The following SPDL1 variants were observed in gnomAD, a reference collection of about 807,000 sequenced individuals.
The protein encoded by SPDL1 is spindle apparatus coiled-coil protein 1.
Under a neutral mutation model 79.5 loss-of-function variants are expected in SPDL1, and 85 were observed. That is an observed-to-expected ratio of 1.07 (90% CI 0.90 to 1.28). The LOEUF (loss-of-function observed/expected upper bound fraction) is 1.28, where lower values mean the gene tolerates loss of function less well. SPDL1 is among the 50% of genes most tolerant of loss of function. SPDL1 has a pLI of 0.00. For missense variants in SPDL1, 703 were observed against 697.8 expected (o/e 1.01, Z -0.08); for synonymous variants, 269 against 240.3 (o/e 1.12, Z -1.10).
At position 169,588,301 on chromosome 5, in the gene SPDL1, G is replaced by T. The variant is rs1230407233; in HGVS notation, c.-23-93G>T. 16 of 819,456 alleles carry T rather than the reference G, an allele frequency of 2.0e-5. No homozygotes were observed. In the South Asian group the frequency reaches 2.0e-4, roughly 10 times the overall value. The allele number at this position is 819,456 out of a possible 1,614,324, so 50.8% of individuals were successfully genotyped here. ...AAAATTTTAATGTTTTTATACGACA[G>T]TAGTATTGAGTAGATATGTTTCTTC... On this transcript the variant is annotated intron_variant, in intron 1 of 11. Transcript: ENST00000265295.
In SPDL1 at chr5:169,591,112, G is replaced by A; in HGVS notation, c.224G>A (p.Ser75Asn). ...GAACTCAAGAGTCGAATGTTAGAAA[G>A]TTTGAGCTGCGAATGTGAAGCTATT... ...EVELKSRMLE[S>N]LSCECEAIKQ... Residue 75 changes from serine (S) to asparagine (N), a missense_variant, in exon 3 of 12, where the codon AGT becomes AAT. Transcript: ENST00000265295. 6.2e-7 allele frequency: 1 copy of A among 1,614,032 alleles called. No homozygotes were observed. The highest frequency in any genetic ancestry group is 1.1e-5 in the South Asian group (1 of 91,070).
rs116018611 is a variant in SPDL1, at chr5:169,590,012, T to C, written c.160-1036T>C. Among the ~76,000 whole-genome samples the C allele has an allele frequency of 5.4e-3, 818 of 152,328 alleles. 8 individuals carry two copies. Among genetic ancestry groups the C allele is most frequent in the African/African-American group, 0.018 (765 of 41,564 alleles). ...CCGGCCCTGATTCCACTCTTAATTA[T>C]CTGCATTGCTAATTATCTCTAGATT... is the stretch of plus-strand genomic sequence containing the variant. On this transcript the variant is annotated intron_variant, in intron 2 of 11. Coordinates refer to ENST00000265295, the MANE Select transcript of SPDL1 (RefSeq NM_017785.5).
chr5:169,593,052 G>A (rs1204344236), intron 3 of SPDL1, among the ~76,000 whole-genome samples: 1 of 152,002 alleles, frequency 6.6e-6, no homozygotes, highest in Non-Finnish European at 1.5e-5. Flanking sequence ...TTCTGACCAG[G>A]TTGCTTGCTT....
At chr5:169,597,229 CATTTGTGTGT>C (rs892778302) in intron 8 of SPDL1, among the ~76,000 whole-genome samples, 1 of 106,020 alleles carries the variant, frequency 9.4e-6, no homozygotes, top group African/African-American at 3.5e-5. Flanking sequence ...TTTGTGTAAG[CATTTGTGTGT>C]GTGTGTGTGT....
chr5:169,590,679 A>G (rs1755227765), intron 2 of SPDL1: 1 of 457,416 alleles, frequency 2.2e-6, no homozygotes, highest in African/African-American at 2.0e-5. Context: ...AGCTACAAGT[A>G]GAGCATCTCA....
intron 3 of SPDL1, among the ~76,000 whole-genome samples, chr5:169,592,590 A>G (rs1755351408): frequency 6.6e-6 from 1 of 152,108 alleles, no homozygotes; most frequent in Non-Finnish European, 1.5e-5. Flanking sequence ...ATATACCTTC[A>G]TGTAATATAT....
chr5:169,598,714 C>A, intron 9 of SPDL1, 135 bp downstream of exon 9: 2 of 955,106 alleles, frequency 2.1e-6, no homozygotes, highest in Non-Finnish European at 1.6e-6. Flanking sequence ...TATCTTTGTG[C>A]AGATATTCAT....
chr5:169,591,024 A>G, intron 2 of SPDL1, 24 bp from the exon 3 acceptor site: 1 of 1,582,988 alleles, frequency 6.3e-7, no homozygotes, highest in East Asian at 2.2e-5. Context: ...TATGTAATTG[A>G]ATTGTAATTG....
At chr5:169,594,873 AT>A (rs1156423716) in intron 7 of SPDL1, among the ~76,000 whole-genome samples, 192 bp downstream of exon 7, 1 of 152,232 alleles carries the variant, frequency 6.6e-6, no homozygotes, top group Non-Finnish European at 1.5e-5. Context: ...TGGAATAAAT[AT>A]TTAGTAATAG....
chr5:169,593,609 A>T, intron 4 of SPDL1, 61 bp downstream of exon 4: 5 of 1,463,046 alleles, frequency 3.4e-6, no homozygotes, highest in Non-Finnish European at 4.6e-6. Context: ...ATATTTTTAC[A>T]TGTTTTGGTA....
chr5:169,601,539 GGAAAA>G lies in SPDL1; in HGVS notation c.1589_1593del (p.Lys530MetfsTer10), dbSNP rs1561878236. The G allele has an allele frequency of 2.5e-6, 4 of 1,614,084 alleles. No individual in the cohort carries two copies. The highest frequency in any genetic ancestry group is 2.5e-6 in the Non-Finnish European group (3 of 1,180,016). On this transcript the variant is annotated frameshift_variant, in exon 11 of 12. Transcript: ENST00000265295. LOFTEE classifies it high-confidence loss of function. ...TGCCCGTGGATATGCAGCTGAAGAA[GGAAAA>G]GAAATGTGTGAAACTCATAGGAGTT...
At chr5:169,599,341 C>G (rs1230157407) in intron 10 of SPDL1, among the ~76,000 whole-genome samples, 182 bp downstream of exon 10, 1 of 152,126 alleles carries the variant, frequency 6.6e-6, no homozygotes, top group East Asian at 1.9e-4. Context: ...GAACTGGATA[C>G]TGGGTGTGCC....
chr5:169,593,870 A>G (rs1249570715), intron 4 of SPDL1, among the ~76,000 whole-genome samples: 1 of 152,206 alleles, frequency 6.6e-6, no homozygotes, highest in Non-Finnish European at 1.5e-5. Context: ...GTTGAAATGC[A>G]TGTGAACTTG....
In SPDL1 at chr5:169,594,599, G is replaced by A. The variant is rs757903618; in HGVS notation, c.809G>A (p.Arg270His). 7.4e-6 allele frequency: 12 copies of A among 1,613,958 alleles called. No homozygotes were observed. Among genetic ancestry groups the A allele is most frequent in the Admixed American group, 1.7e-5 (1 of 60,026 alleles). ...GAAGATCGAAGGGCAGCAATGGAAC[G>A]TCAGCTCATCAGTATGAAAGTCAAG... Reference protein sequence around the residue: ...EVEDRRAAMERQLISMKVKYQ... With the variant: ...EVEDRRAAMEHQLISMKVKYQ... The change falls in exon 7 of 12, where the codon CGT becomes CAT. Residue 270 changes from arginine (R) to histidine (H), a missense_variant. Coordinates refer to ENST00000265295, the MANE Select transcript of SPDL1 (RefSeq NM_017785.5).
chr5:169,599,266 G>A, intron 10 of SPDL1, 107 bp downstream of exon 10: 1 of 974,616 alleles, frequency 1.0e-6, no homozygotes, highest in Non-Finnish European at 1.4e-6. Flanking sequence ...AAACTCATTT[G>A]TAGTTATATA....
At position 169,601,537 on chromosome 5, in the gene SPDL1, A is replaced by G; in HGVS notation, c.1582A>G (p.Lys528Glu). Residue 528 changes from lysine (K) to glutamate (E), a missense_variant, in exon 11 of 12, where the codon AAG becomes GAG. Physicochemically the swap from Lys to Glu is moderately conservative, Grantham distance 56 (BLOSUM62 1). Transcript: ENST00000265295. Reference protein sequence around the residue: ...KNLPVDMQLKKEKKCVKLIGV... With the variant: ...KNLPVDMQLKEEKKCVKLIGV... ...TCTGCCCGTGGATATGCAGCTGAAG[A>G]AGGAAAAGAAATGTGTGAAACTCAT... 1.2e-6 allele frequency: 2 copies of G among 1,614,188 alleles called. No homozygotes were observed. Among genetic ancestry groups the G allele is most frequent in the Non-Finnish European group, 1.7e-6 (2 of 1,180,030 alleles).
intron 8 of SPDL1, among the ~76,000 whole-genome samples, chr5:169,597,220 TTGTGTAAGCATTTGTG>T (rs1232679620): frequency 5.1e-5 from 7 of 138,106 alleles, no homozygotes; most frequent in African/African-American, 1.9e-4. Context: ...AGAATGGTAT[TTGTGTAAGCATTTGTG>T]TGTGTGTGTG....
intron 1 of SPDL1, among the ~76,000 whole-genome samples, chr5:169,584,514 T>C (rs1754876287): frequency 6.6e-6 from 1 of 152,218 alleles, no homozygotes; most frequent in African/African-American, 2.4e-5. Context: ...GTTATTGTGC[T>C]TGTTTTTATA....
chr5:169,594,767 T>A, intron 7 of SPDL1, 86 bp downstream of exon 7: 1 of 819,096 alleles, frequency 1.2e-6, no homozygotes. Context: ...ACTAGCTTTT[T>A]CTGCAAGGAG....
Sources: gnomAD v4.1 joint callset for allele counts (sites outside exome capture counted in the v4.1 genomes callset) on GRCh38, gnomAD v4.1.1 for gene constraint, MANE v1.5 for transcripts, NCBI Gene and HGNC (gene_info 2026-07-23, HGNC 2026-07-21) for gene names.